Variants in ANKS1B observed in about 807,000 individuals in gnomAD.
ANKS1B encodes the protein ankyrin repeat and sterile alpha motif domain-containing protein 1B.
A neutral mutation model predicts 148.3 loss-of-function variants in ANKS1B; 36 were observed. That is an observed-to-expected ratio of 0.24 (90% confidence interval 0.19 to 0.32). The LOEUF (loss-of-function observed/expected upper bound fraction) is 0.32. ANKS1B is among the 10% of genes least tolerant of loss of function. The pLI is 1.00. For synonymous variants in ANKS1B, 542 were observed against 560.8 expected (o/e 0.97, Z 0.47); for missense variants, 1,157 against 1,542.6 (o/e 0.75, Z 4.19).
chr12:99,616,154 T>C (rs973207078), intron 9 of ANKS1B, among the ~76,000 whole-genome samples: 1 of 151,998 alleles, frequency 6.6e-6, no homozygotes, highest in Non-Finnish European at 1.5e-5. Context: ...CACAAACAAA[T>C]GGAAAAACGT....
intron 1 of ANKS1B, among the ~76,000 whole-genome samples, chr12:99,950,438 C>T (rs1283530913): frequency 9.9e-5 from 15 of 152,060 alleles, no homozygotes; most frequent in African/African-American, 3.6e-4. Flanking sequence ...ACCACACATA[C>T]TTTCCTTTCC....
At chr12:98,782,372 T>C (rs1461586436) in intron 22 of ANKS1B, among the ~76,000 whole-genome samples, 1 of 152,230 alleles carries the variant, frequency 6.6e-6, no homozygotes, top group African/African-American at 2.4e-5. Flanking sequence ...TCATTCTGTT[T>C]ACTGCACCGC....
intron 17 of ANKS1B, among the ~76,000 whole-genome samples, chr12:98,839,717 C>A (rs747885457): frequency 3.3e-5 from 5 of 152,142 alleles, no homozygotes; most frequent in African/African-American, 4.8e-5. Flanking sequence ...TTTCTTTGCT[C>A]CATGTATACA....
chr12:99,863,162 T>C (rs1321501572), intron 1 of ANKS1B, among the ~76,000 whole-genome samples: 2 of 152,196 alleles, frequency 1.3e-5, no homozygotes, highest in Non-Finnish European at 2.9e-5. Flanking sequence ...TGGCTTCTTA[T>C]GTATGTGCCT....
chr12:99,701,749 T>G (rs1275427845), intron 8 of ANKS1B, among the ~76,000 whole-genome samples: 2 of 152,114 alleles, frequency 1.3e-5, no homozygotes, highest in Non-Finnish European at 2.9e-5. Flanking sequence ...ATAAGTTCAA[T>G]TGTTTTGATT....
At chr12:99,092,687 T>C (rs2054487748) in intron 15 of ANKS1B, among the ~76,000 whole-genome samples, 1 of 152,128 alleles carries the variant, frequency 6.6e-6, no homozygotes, top group Admixed American at 6.6e-5. Context: ...CCTGTCACTG[T>C]AGATGCTGAT....
At chr12:99,493,196 T>C (rs1159411466) in intron 10 of ANKS1B, among the ~76,000 whole-genome samples, 1 of 152,230 alleles carries the variant, frequency 6.6e-6, no homozygotes, top group Non-Finnish European at 1.5e-5. Context: ...TAAATTTAAA[T>C]ATTACAATGT....
At chr12:99,890,856 T>C (rs956031774) in intron 1 of ANKS1B, among the ~76,000 whole-genome samples, 2 of 151,904 alleles carry the variant, frequency 1.3e-5, no homozygotes, top group South Asian at 2.1e-4. Context: ...TAGCACTAGG[T>C]GAGCCAAGAA....
intron 1 of ANKS1B, among the ~76,000 whole-genome samples, chr12:99,883,583 A>C (rs1271011341): frequency 6.6e-6 from 1 of 150,840 alleles, no homozygotes; most frequent in Non-Finnish European, 1.5e-5. Context: ...AGACCCTGTA[A>C]AGACCATGAA....
chr12:99,716,410 G>A (rs1432942500), intron 8 of ANKS1B, among the ~76,000 whole-genome samples: 1 of 151,252 alleles, frequency 6.6e-6, no homozygotes, highest in Non-Finnish European at 1.5e-5. Flanking sequence ...TCTTTTCTCT[G>A]GGCTTGCCTC....
At chr12:99,704,897 A>G (rs2055480389) in intron 8 of ANKS1B, among the ~76,000 whole-genome samples, 1 of 152,092 alleles carries the variant, frequency 6.6e-6, no homozygotes, top group South Asian at 2.1e-4. Flanking sequence ...TGATAGAAAT[A>G]TATTTGTAAA....
At chr12:99,699,308 C>T (rs1379106649) in intron 8 of ANKS1B, among the ~76,000 whole-genome samples, 1 of 152,146 alleles carries the variant, frequency 6.6e-6, no homozygotes. Flanking sequence ...TTGTGCCATC[C>T]ATGAATCTAC....
chr12:99,016,592 G>T (rs1008864366), intron 17 of ANKS1B, among the ~76,000 whole-genome samples: 2 of 152,116 alleles, frequency 1.3e-5, no homozygotes. Flanking sequence ...GGAGGTGGAG[G>T]TTGCAGTGAG....
chr12:99,892,224 T>C (rs934435741), intron 1 of ANKS1B, among the ~76,000 whole-genome samples: 5 of 151,976 alleles, frequency 3.3e-5, no homozygotes, highest in Admixed American at 3.3e-4. Flanking sequence ...AGGATGGTCT[T>C]GATCTCCTGA....
chr12:99,003,055 G>A (rs544801427), intron 17 of ANKS1B, among the ~76,000 whole-genome samples: 1 of 152,272 alleles, frequency 6.6e-6, no homozygotes, highest in South Asian at 2.1e-4. Context: ...TGCAGTTGGA[G>A]AGCCAGTTTT....
chr12:99,879,096 T>C (rs948261561), intron 1 of ANKS1B, among the ~76,000 whole-genome samples: 7 of 152,186 alleles, frequency 4.6e-5, no homozygotes, highest in African/African-American at 1.7e-4. Context: ...CAAAGCTTAA[T>C]GAGTAGTAAG....
chr12:98,873,763 G>A (rs745434318), intron 17 of ANKS1B, among the ~76,000 whole-genome samples: 2 of 152,190 alleles, frequency 1.3e-5, no homozygotes, highest in African/African-American at 2.4e-5. Flanking sequence ...AAAGACAGTC[G>A]TCGTCCTAGA....
chr12:99,572,134 AGTTT>A lies in ANKS1B; in HGVS notation c.1273-67497_1273-67494del, dbSNP rs769124041. ...CTGGGCACTTCACATCTTGGCTCTC[AGTTT>A]GTCTCTCTGTAAGATGGAGGTCCCT... On this transcript the variant is annotated intron_variant, in intron 9 of 26. Coordinates refer to ENST00000683438, the MANE Select transcript of ANKS1B (RefSeq NM_001352186.2). Among the ~76,000 whole-genome samples the A allele has an allele frequency of 7.9e-5, 12 of 152,188 alleles. No individual in the cohort carries two copies. In the East Asian group the frequency reaches 2.3e-3, roughly 29 times the overall value.
chr12:98,904,740 A>C (rs754237222), intron 17 of ANKS1B, among the ~76,000 whole-genome samples: 17 of 152,348 alleles, frequency 1.1e-4, no homozygotes, highest in Non-Finnish European at 2.2e-4. Context: ...AGAGAAGTGC[A>C]TTCCAGTGGA....
Sources: allele counts gnomAD v4.1 joint callset (sites outside exome capture counted in the v4.1 genomes callset), GRCh38; gene constraint gnomAD v4.1.1; transcripts MANE v1.5; gene names NCBI Gene and HGNC (gene_info 2026-07-23, HGNC 2026-07-21).